SEC31B: variants seen among roughly 807,000 people sequenced by gnomAD.
The protein encoded by SEC31B is SEC31 homolog B, COPII component.
A neutral mutation model predicts 135.0 loss-of-function variants in SEC31B; 113 were observed. That is an observed-to-expected ratio of 0.84 (90% CI 0.72 to 0.98). The LOEUF (loss-of-function observed/expected upper bound fraction) is 0.98. Ranked by LOEUF, SEC31B falls within the 50% of genes least tolerant of loss-of-function variation. SEC31B has a pLI of 0.00. For synonymous variants in SEC31B, 508 were observed against 549.4 expected (o/e 0.92, Z 1.05); for missense variants, 1,296 against 1,421.1 (o/e 0.91, Z 1.42).
intron 1 of SEC31B, among the ~76,000 whole-genome samples, chr10:100,518,205 A>G (rs140785970): frequency 1.1e-3 from 163 of 152,252 alleles, no homozygotes; most frequent in African/African-American, 3.8e-3. Context: ...TACCACTTCA[A>G]CTTCATCTTT....
intron 3 of SEC31B, 98 bp from the exon 4 acceptor site, chr10:100,509,609 C>T: frequency 1.0e-6 from 1 of 965,970 alleles, no homozygotes; most frequent in African/African-American, 1.7e-5. Context: ...TGCAGGCAGC[C>T]CCACCCCTAG....
In SEC31B at chr10:100,487,579, A is replaced by G; in HGVS notation, c.*37T>C. 6.3e-7 allele frequency: 1 copy of G among 1,580,328 alleles called. No homozygotes were observed. Among genetic ancestry groups the G allele is most frequent in the Non-Finnish European group, 8.6e-7 (1 of 1,156,136 alleles). ...CTTCTGCAGGGAGGAGTTATGTAACAGCAGAAGTGGCCTCCTAGCAAGAGA... is the reference window on the plus strand; with the variant it reads ...CTTCTGCAGGGAGGAGTTATGTAACGGCAGAAGTGGCCTCCTAGCAAGAGA... On this transcript the variant is annotated 3_prime_UTR_variant, in exon 26 of 26. Coordinates refer to ENST00000370345, the MANE Select transcript of SEC31B (RefSeq NM_015490.4).
intron 10 of SEC31B, 42 bp downstream of exon 10, chr10:100,505,318 AC>A: frequency 6.2e-7 from 1 of 1,604,020 alleles, no homozygotes; most frequent in Non-Finnish European, 8.5e-7. Flanking sequence ...ACACACACAC[AC>A]ACACACAAAC....
At chr10:100,490,441 T>C (rs1851280778) in intron 20 of SEC31B, 119 bp from the exon 21 acceptor site, 1 of 1,087,754 alleles carries the variant, frequency 9.2e-7, no homozygotes, top group Non-Finnish European at 1.3e-6. Context: ...TACATGTATA[T>C]GGAAATCTAT....
Position 100,509,298 on chromosome 10 carries a change from C to G in SEC31B, c.399+18G>C. Reference sequence around the variant, plus strand: ...TGCTCCCTGGCTTGGCCATGTTTGACTAACTGAAATGTAGTACCTGGAAAG... The same window carrying G: ...TGCTCCCTGGCTTGGCCATGTTTGAGTAACTGAAATGTAGTACCTGGAAAG... On this transcript the variant is annotated intron_variant, in intron 4 of 25. Transcript: ENST00000370345. The G allele has an allele frequency of 6.2e-7, 1 of 1,609,528 alleles. No homozygotes were observed. The highest frequency in any genetic ancestry group is 8.5e-7 in the Non-Finnish European group (1 of 1,177,314).
chr10:100,515,806 C>CA (rs1197958402), intron 3 of SEC31B, among the ~76,000 whole-genome samples: 1 of 151,896 alleles, frequency 6.6e-6, no homozygotes, highest in Non-Finnish European at 1.5e-5. Flanking sequence ...AGGAAGGAGC[C>CA]AATATCTCTG....
chr10:100,509,554 T>C (rs899771401), intron 3 of SEC31B, 43 bp from the exon 4 acceptor site: 45 of 1,501,816 alleles, frequency 3.0e-5, no homozygotes, highest in Non-Finnish European at 3.7e-5. Flanking sequence ...CTTAGGTTCA[T>C]GTCAGTAAGC....
chr10:100,505,910 G>A, intron 9 of SEC31B, 130 bp downstream of exon 9: 2 of 1,537,396 alleles, frequency 1.3e-6, no homozygotes, highest in Non-Finnish European at 1.7e-6. Context: ...TAGGGCAAAG[G>A]TGCAGCCCTC....
chr10:100,506,891 G>A (rs1373598147), intron 7 of SEC31B, among the ~76,000 whole-genome samples: 1 of 152,126 alleles, frequency 6.6e-6, no homozygotes, highest in Non-Finnish European at 1.5e-5. Flanking sequence ...CTTGAGCCCA[G>A]GAGATCGAGG....
intron 9 of SEC31B, 156 bp downstream of exon 9, chr10:100,505,884 T>G (rs1851619978): frequency 6.6e-7 from 1 of 1,505,114 alleles, no homozygotes; most frequent in Non-Finnish European, 8.8e-7. Context: ...TAACATCCTT[T>G]CAGGAAGATG....
chr10:100,497,505 T>G, intron 16 of SEC31B, 162 bp downstream of exon 16: 2 of 1,504,462 alleles, frequency 1.3e-6, no homozygotes, highest in South Asian at 1.3e-5. Flanking sequence ...AATAGGGGCA[T>G]GCACTGTGGT....
intron 18 of SEC31B, 113 bp from the exon 19 acceptor site, chr10:100,495,659 TTTG>T (rs904490114): frequency 1.8e-4 from 197 of 1,083,824 alleles, no homozygotes; most frequent in Non-Finnish European, 2.3e-4. Context: ...CCTGTGTTAT[TTTG>T]TTGTTGTTGT....
chr10:100,509,476 C>T lies in SEC31B; in HGVS notation c.239G>A (p.Gly80Glu). The change falls in exon 4 of 26, where the codon GGG becomes GAG. Residue 80 changes from glycine to glutamate, a missense_variant. Coordinates refer to ENST00000370345, the MANE Select transcript of SEC31B (RefSeq NM_015490.4). ...AATAACCCCGGAGCTTTCCAGAAGCCCACTGCCAAAGCTCCCCCAGACCAG... is the reference window on the plus strand; with the variant it reads ...AATAACCCCGGAGCTTTCCAGAAGCTCACTGCCAAAGCTCCCCCAGACCAG... ...HKLVWGSFGS[G>E]LLESSGVIVG... 1 of 1,613,818 alleles carries T rather than the reference C, an allele frequency of 6.2e-7. No individual in the cohort carries two copies. Among genetic ancestry groups the T allele is most frequent in the East Asian group, 2.2e-5 (1 of 44,870 alleles).
Position 100,516,854 on chromosome 10 carries a change from A to C in SEC31B, c.79+20T>G. The stretch of plus-strand genomic sequence containing the variant: ...AACTTATGTACTCCCAGTGGATCCT[A>C]ATTCACAGTGTCACCATACCTGTGG... On this transcript the variant is annotated intron_variant, in intron 2 of 25. Transcript: ENST00000370345. The C allele has an allele frequency of 6.3e-7, 1 of 1,591,324 alleles. No individual in the cohort carries two copies. Among genetic ancestry groups the C allele is most frequent in the Non-Finnish European group, 8.6e-7 (1 of 1,159,762 alleles).
At position 100,493,372 on chromosome 10, in the gene SEC31B, C is replaced by CAAAA. The variant is rs561941798; in HGVS notation, c.2472+2009_2472+2012dup. 3.4e-3 allele frequency among the ~76,000 whole-genome samples: 448 copies of CAAAA among 130,292 alleles called. 2 individuals carry two copies. The highest frequency in any genetic ancestry group is 0.012 in the African/African-American group (418 of 35,188). The allele number at this position is 130,292 out of a possible 152,430, so 85.5% of individuals were successfully genotyped here. ...TGGGCAACAAAGCAAGACTCCATCT[C>CAAAA]AAAAAAAAAAAAAATTAAAACCATG... is the stretch of plus-strand genomic sequence containing the variant. On this transcript the variant is annotated intron_variant, in intron 19 of 25. Transcript: ENST00000370345.
chr10:100,488,883 C>T lies in SEC31B; in HGVS notation c.3263G>A (p.Arg1088His), dbSNP rs150250505. 86 of 1,605,718 alleles carry T rather than the reference C, an allele frequency of 5.4e-5. No homozygotes were observed. The East Asian group carries it at 1.0e-3, about 19-fold the overall frequency. ...TAAGTCAGTTGCAGACAGGGAGCAG[C>T]GTTGGAGAAGCGCCTCAAAGCTGCT... ...LKSSFEALLQRCSLSATDLKT... is the reference protein window; with the variant it reads ...LKSSFEALLQHCSLSATDLKT... The change falls in exon 24 of 26, where the codon CGC (arginine) becomes CAC (histidine). Residue 1088 changes from arginine (R) to histidine (H), a missense_variant. Physicochemically the swap from Arg to His is conservative, Grantham distance 29. Coordinates refer to ENST00000370345, the MANE Select transcript of SEC31B (RefSeq NM_015490.4).
At chr10:100,517,035 A>G in intron 1 of SEC31B, 38 bp from the exon 2 acceptor site, 1 of 1,014,316 alleles carries the variant, frequency 9.9e-7, no homozygotes, top group Non-Finnish European at 1.6e-6. Flanking sequence ...AGCCAGATCC[A>G]GGGAGCATCT....
chr10:100,500,318 TTTC>T (rs1241806234), intron 11 of SEC31B, among the ~76,000 whole-genome samples: 130 of 152,098 alleles, frequency 8.5e-4, no homozygotes, highest in African/African-American at 3.0e-3. Context: ...AAATGTTTCT[TTTC>T]TTTTTTTTTT....
intron 18 of SEC31B, 126 bp from the exon 19 acceptor site, chr10:100,495,672 T>G: frequency 9.6e-7 from 1 of 1,045,566 alleles, no homozygotes; most frequent in Non-Finnish European, 1.4e-6. Flanking sequence ...GTTGTTGTTG[T>G]TGTTCTGTTC....
Sources: allele counts gnomAD v4.1 joint callset (sites outside exome capture counted in the v4.1 genomes callset), GRCh38; gene constraint gnomAD v4.1.1; transcripts MANE v1.5; gene names NCBI Gene and HGNC (gene_info 2026-07-23, HGNC 2026-07-21).